The following HSPA12A variants were observed in gnomAD, a reference collection of about 807,000 sequenced individuals.
HSPA12A encodes the protein heat shock 70 kDa protein 12A.
Under a neutral mutation model 69.2 loss-of-function variants are expected in HSPA12A, and 28 were observed. That is an observed-to-expected ratio of 0.40 (90% CI 0.30 to 0.55). HSPA12A has a LOEUF of 0.55. HSPA12A is among the 20% of genes least tolerant of loss of function. The probability of loss-of-function intolerance (pLI) is 0.38; values close to 1 mark genes in which losing one functional copy is unlikely to be tolerated. For synonymous variants in HSPA12A, 345 were observed against 370.5 expected (o/e 0.93, Z 0.79); for missense variants, 686 against 900.7 (o/e 0.76, Z 3.05).
chr10:116,701,148 G>A lies in HSPA12A; in HGVS notation c.255-19C>T, dbSNP rs189291789. 94 of 1,611,410 alleles carry A rather than the reference G, an allele frequency of 5.8e-5. No homozygotes were observed. In the African/African-American group the frequency reaches 1.1e-3, roughly 19 times the overall value. ...CCATCGCCTGCCACCAAGGGAAGCAGAAGTTATGGGGCCTTCTTTCAAAAT... is the reference window on the plus strand; with the variant it reads ...CCATCGCCTGCCACCAAGGGAAGCAAAAGTTATGGGGCCTTCTTTCAAAAT... On this transcript the variant is annotated intron_variant, in intron 3 of 11. Transcript: ENST00000369209.
At chr10:116,682,462 G>C (rs1175205417) in intron 7 of HSPA12A, among the ~76,000 whole-genome samples, 2 of 151,752 alleles carry the variant, frequency 1.3e-5, no homozygotes, top group African/African-American at 4.8e-5. Flanking sequence ...GACTGGGGGG[G>C]GGGGCCATTT....
At chr10:116,826,364 C>T (rs771101058) in intron 2 of HSPA12A, among the ~76,000 whole-genome samples, 2 of 152,178 alleles carry the variant, frequency 1.3e-5, no homozygotes, top group Non-Finnish European at 2.9e-5. Flanking sequence ...ATGTGCCTGG[C>T]AGACAAGAGG....
chr10:116,796,736 G>A (rs1261118148), intron 2 of HSPA12A, among the ~76,000 whole-genome samples: 2 of 152,124 alleles, frequency 1.3e-5, no homozygotes, highest in African/African-American at 2.4e-5. Context: ...CCCAGAGCCT[G>A]AGCCCCTCTG....
At chr10:116,849,750 C>T (rs897760837), upstream of HSPA12A, 3 of 1,489,056 alleles carry the variant, frequency 2.0e-6, no homozygotes, top group South Asian at 1.3e-5. Flanking sequence ...CTGGGACAAG[C>T]GCTCTCCTCC....
intron 2 of HSPA12A, among the ~76,000 whole-genome samples, chr10:116,753,772 T>G (rs903718777): frequency 1.8e-4 from 28 of 152,316 alleles, no homozygotes; most frequent in African/African-American, 6.0e-4. Context: ...CTCTTTCTTT[T>G]GTGAAGAGTA....
At chr10:116,750,074 G>A (rs1851739327) in intron 2 of HSPA12A, 2 of 374,458 alleles carry the variant, frequency 5.3e-6, no homozygotes, top group Admixed American at 3.5e-5. Context: ...AACTAACACA[G>A]AGAGTGTTTG....
chr10:116,742,352 G>T, intron 1 of HSPA12A, 78 bp downstream of exon 1: 1 of 1,347,018 alleles, frequency 7.4e-7, no homozygotes, highest in Non-Finnish European at 9.6e-7. Flanking sequence ...GCGAGGGGGT[G>T]CGGAGCGTTG....
chr10:116,739,039 T>A (rs541022840), intron 1 of HSPA12A, among the ~76,000 whole-genome samples: 1 of 152,204 alleles, frequency 6.6e-6, no homozygotes, highest in Non-Finnish European at 1.5e-5. Context: ...CAGCGCCCTG[T>A]CACTACCATC....
At chr10:116,725,044 C>A (rs533612687) in intron 1 of HSPA12A, among the ~76,000 whole-genome samples, 2 of 152,318 alleles carry the variant, frequency 1.3e-5, no homozygotes, top group Middle Eastern at 3.4e-3. Context: ...AGCCTCACAG[C>A]GAGGAACAGC....
chr10:116,743,670 C>T (rs554946570), upstream of HSPA12A, among the ~76,000 whole-genome samples: 157 of 152,242 alleles, frequency 1.0e-3, no homozygotes, highest in Non-Finnish European at 1.8e-3. Flanking sequence ...CGTACAATCC[C>T]GTTCTGGATG....
At chr10:116,749,384 T>C (rs1430703526) in intron 2 of HSPA12A, among the ~76,000 whole-genome samples, 1 of 152,152 alleles carries the variant, frequency 6.6e-6, no homozygotes, top group Non-Finnish European at 1.5e-5. Context: ...ACCGTGTAGA[T>C]GAGAGAACTA....
chr10:116,807,965 T>C (rs1845100050), intron 2 of HSPA12A, among the ~76,000 whole-genome samples: 1 of 152,216 alleles, frequency 6.6e-6, no homozygotes, highest in Non-Finnish European at 1.5e-5. Context: ...GCTGGGCAAG[T>C]GTGTCCTGCC....
At chr10:116,740,455 C>G (rs534596451) in intron 1 of HSPA12A, among the ~76,000 whole-genome samples, 1 of 152,174 alleles carries the variant, frequency 6.6e-6, no homozygotes, top group South Asian at 2.1e-4. Context: ...AGGGACAGCC[C>G]GCTCTTCAGG....
At chr10:116,728,927 T>G (rs1851064478) in intron 1 of HSPA12A, among the ~76,000 whole-genome samples, 1 of 152,182 alleles carries the variant, frequency 6.6e-6, no homozygotes, top group South Asian at 2.1e-4. Flanking sequence ...GGGCCCATCT[T>G]AATGCTCCTT....
chr10:116,718,713 T>A (rs1321563614), intron 1 of HSPA12A, among the ~76,000 whole-genome samples: 1 of 152,020 alleles, frequency 6.6e-6, no homozygotes, highest in Admixed American at 6.6e-5. Flanking sequence ...AGTGGGCCCC[T>A]TTTTTTGAAT....
intron 2 of HSPA12A, among the ~76,000 whole-genome samples, chr10:116,780,324 A>C (rs183255033): frequency 6.6e-6 from 1 of 151,418 alleles, no homozygotes; most frequent in Non-Finnish European, 1.5e-5. Flanking sequence ...TCAGAACAAT[A>C]TTTTTATTTA....
intron 2 of HSPA12A, among the ~76,000 whole-genome samples, chr10:116,771,322 A>C (rs1195567648): frequency 6.6e-6 from 1 of 152,136 alleles, no homozygotes; most frequent in East Asian, 1.9e-4. Context: ...TGTGGAGGCC[A>C]CACAGAGGGG....
In HSPA12A at chr10:116,768,208, T is replaced by C. The variant is rs115915529; in HGVS notation, c.92-60923A>G. 6.6e-3 allele frequency among the ~76,000 whole-genome samples: 999 copies of C among 152,340 alleles called. 9 individuals are homozygous for C. Among genetic ancestry groups the C allele is most frequent in the African/African-American group, 0.023 (951 of 41,564 alleles). On this transcript the variant is annotated intron_variant, in intron 2 of 12. Transcript: ENST00000635765. ...GTACTGATATATGCTACGACATGAA[T>C]GAACCTTGAAAACATTACGCTAAGT...
At chr10:116,729,861 C>A (rs1276896792) in intron 1 of HSPA12A, among the ~76,000 whole-genome samples, 1 of 152,208 alleles carries the variant, frequency 6.6e-6, no homozygotes, top group Non-Finnish European at 1.5e-5. Context: ...CGAAATCTCC[C>A]AGCCAGCTCC....
Sources: gnomAD v4.1 joint callset for allele counts (sites outside exome capture counted in the v4.1 genomes callset) on GRCh38, gnomAD v4.1.1 for gene constraint, MANE v1.5 for transcripts, NCBI Gene and HGNC (gene_info 2026-07-23, HGNC 2026-07-21) for gene names.